The following DNAH7 variants were observed in gnomAD, a reference collection of about 807,000 sequenced individuals.
DNAH7 encodes dynein axonemal heavy chain 7, also known as axonemal beta dynein heavy chain 7.
A neutral mutation model predicts 444.6 loss-of-function variants in DNAH7; 397 were observed. That is an observed-to-expected ratio of 0.89 (90% CI 0.82 to 0.97). The LOEUF is 0.97. DNAH7 is among the 50% of genes least tolerant of loss of function. The probability of loss-of-function intolerance (pLI) is 0.00; values close to 1 mark genes in which losing one functional copy is unlikely to be tolerated. For synonymous variants in DNAH7, 1,636 were observed against 1,624.4 expected (o/e 1.01, Z -0.17); for missense variants, 4,902 against 4,800.8 (o/e 1.02, Z -0.62).
In DNAH7 at chr2:195,936,711, G is replaced by A. The variant is rs1689077558; in HGVS notation, c.3160C>T (p.Leu1054Phe). 4 of 1,597,068 alleles carry A rather than the reference G, an allele frequency of 2.5e-6. No individual in the cohort carries two copies. Among genetic ancestry groups the A allele is most frequent in the Non-Finnish European group, 3.4e-6 (4 of 1,171,608 alleles). ...TCCAAATATTCATTAAGTCCTTTAA[G>A]AATGAGCTCCAAAAGTTCATTAGAT... The part of the protein sequence containing the change: ...KKSNELLELI[L>F]KGLNEYLEKK... The change falls in exon 20 of 65, where the codon CTT becomes TTT. Residue 1054 changes from leucine (L) to phenylalanine (F), a missense_variant. By Grantham distance (22) the Leu-to-Phe change is conservative. Coordinates refer to ENST00000312428, the MANE Select transcript of DNAH7 (RefSeq NM_018897.3).
chr2:195,861,786 T>C lies in DNAH7; in HGVS notation c.7667A>G (p.Asn2556Ser). 2 of 1,613,708 alleles carry C rather than the reference T, an allele frequency of 1.2e-6. No homozygotes were observed. The highest frequency in any genetic ancestry group is 1.7e-6 in the Non-Finnish European group (2 of 1,179,690). Residue 2556 changes from asparagine (N) to serine (S), a missense_variant, in exon 42 of 65, where the codon AAT becomes AGT. By Grantham distance (46) the Asn-to-Ser change is conservative. Coordinates refer to ENST00000312428, the MANE Select transcript of DNAH7 (RefSeq NM_018897.3). ...GAGGTAAGAGGTAGGAGTCACATAA[T>C]TGTATCTTTGAAGTTCAACAAAGAA... ...KSFFVELQRY[N>S]YVTPTSYLEL...
At chr2:196,064,497 A>T (rs888304794) in intron 1 of DNAH7, among the ~76,000 whole-genome samples, 2 of 152,240 alleles carry the variant, frequency 1.3e-5, no homozygotes, top group African/African-American at 4.8e-5. Flanking sequence ...TCTCTTTAAA[A>T]TTAGGAAATA....
At chr2:195,786,671 CTGTT>C (rs1405067145) in intron 58 of DNAH7, among the ~76,000 whole-genome samples, 4 of 151,822 alleles carry the variant, frequency 2.6e-5, no homozygotes, top group Non-Finnish European at 4.4e-5. Flanking sequence ...GACAACTGGT[CTGTT>C]TGTTTTTTAC....
At chr2:195,745,173 G>A (rs1296918035) in intron 63 of DNAH7, among the ~76,000 whole-genome samples, 4 of 152,200 alleles carry the variant, frequency 2.6e-5, no homozygotes, top group Non-Finnish European at 5.9e-5. Context: ...AGCTGATGGA[G>A]CTGAAAGCCA....
Position 195,875,676 on chromosome 2 carries a change from T to G in DNAH7, c.6285A>C (p.Pro2095=), listed in dbSNP as rs529357254. ...TAATCACAAACTCAAAAAATGTACC[T>G]GGAGGTCCCATAGCACACATGATCT... The part of the protein sequence containing the change: ...DIQIMCAMGP[P]GGGRNPVTPR... Residue 2095 remains proline (P), a splice_region_variant and synonymous_variant, in exon 38 of 65, where the codon CCA becomes CCC. Coordinates refer to ENST00000312428, the MANE Select transcript of DNAH7 (RefSeq NM_018897.3). 6.4e-7 allele frequency: 1 copy of G among 1,561,950 alleles called. No individual in the cohort carries two copies. The highest frequency in any genetic ancestry group is 8.7e-7 in the Non-Finnish European group (1 of 1,155,118).
intron 61 of DNAH7, among the ~76,000 whole-genome samples, chr2:195,766,302 T>C (rs1694585947): frequency 6.7e-6 from 1 of 150,110 alleles, no homozygotes; most frequent in African/African-American, 2.5e-5. Context: ...GCCTTCCAAA[T>C]AGCTGGGATT....
chr2:195,938,309 T>G (rs1274637717), intron 19 of DNAH7, among the ~76,000 whole-genome samples: 1 of 151,758 alleles, frequency 6.6e-6, no homozygotes, highest in African/African-American at 2.4e-5. Flanking sequence ...AAAGGAATTT[T>G]ATTATGCTTC....
intron 14 of DNAH7, among the ~76,000 whole-genome samples, chr2:195,985,274 G>T (rs967343722): frequency 6.6e-6 from 1 of 152,208 alleles, no homozygotes; most frequent in Non-Finnish European, 1.5e-5. Context: ...TCTTCAGTAA[G>T]ATTGGCTGAA....
chr2:196,057,864 T>G (rs1474166143), intron 2 of DNAH7, among the ~76,000 whole-genome samples, 190 bp downstream of exon 2: 2 of 152,206 alleles, frequency 1.3e-5, no homozygotes, highest in Non-Finnish European at 2.9e-5. Context: ...AATTACAGCC[T>G]ATAGTTATTT....
intron 47 of DNAH7, among the ~76,000 whole-genome samples, chr2:195,841,199 A>G (rs1698661975): frequency 6.6e-6 from 1 of 151,258 alleles, no homozygotes; most frequent in South Asian, 2.1e-4. Context: ...TTATGCTGGA[A>G]CAATTGTATA....
At position 195,824,271 on chromosome 2, in the gene DNAH7, G is replaced by A; in HGVS notation, c.9275C>T (p.Pro3092Leu). The change falls in exon 49 of 65, where the codon CCT becomes CTT. Residue 3092 changes from proline to leucine, a missense_variant. Transcript: ENST00000312428. Reference protein sequence around the residue: ...TTKLRNPHYLPETSVKVTLLN... With the variant: ...TTKLRNPHYLLETSVKVTLLN... ...TATACTGGCCTTTACTGATGTTTCA[G>A]GAAGATAATGAGGATTTCTTAACTT... 1 of 1,612,340 alleles carries A rather than the reference G, an allele frequency of 6.2e-7. No homozygotes were observed. Among genetic ancestry groups the A allele is most frequent in the Non-Finnish European group, 8.5e-7 (1 of 1,179,176 alleles).
rs745971873 is a variant in DNAH7 at position 196,024,421 on chromosome 2, T to C, written c.743+8A>G. The C allele has an allele frequency of 2.6e-6, 4 of 1,555,824 alleles. No homozygotes were observed. The highest frequency in any genetic ancestry group is 2.5e-5 in the South Asian group (2 of 80,192). On this transcript the variant is annotated splice_region_variant and intron_variant, in intron 8 of 64. Coordinates refer to ENST00000312428, the MANE Select transcript of DNAH7 (RefSeq NM_018897.3). ...AATCAACATTCTTAGAGAAATCTGATCACTTACTCAGCACGATGGGCTGGA... is the reference window on the plus strand; with the variant it reads ...AATCAACATTCTTAGAGAAATCTGACCACTTACTCAGCACGATGGGCTGGA...
At chr2:196,034,308 T>C (rs1322468980) in intron 5 of DNAH7, among the ~76,000 whole-genome samples, 3 of 152,120 alleles carry the variant, frequency 2.0e-5, no homozygotes, top group Admixed American at 2.0e-4. Flanking sequence ...ATAAAATTAA[T>C]GGGATTACAT....
At chr2:195,756,345 C>A in intron 61 of DNAH7, 60 bp from the exon 62 acceptor site, 1 of 1,382,262 alleles carries the variant, frequency 7.2e-7, no homozygotes, top group South Asian at 1.8e-5. Flanking sequence ...TTATAAGCAA[C>A]CACCTTTTAA....
intron 8 of DNAH7, among the ~76,000 whole-genome samples, chr2:196,023,450 C>G (rs535325902): frequency 6.6e-6 from 1 of 152,298 alleles, no homozygotes; most frequent in Admixed American, 6.5e-5. Context: ...ATTTTTCAAC[C>G]CTTGCTCCGT....
chr2:195,859,066 AAAG>A (rs1383753990), intron 42 of DNAH7, among the ~76,000 whole-genome samples: 12 of 152,342 alleles, frequency 7.9e-5, no homozygotes, highest in African/African-American at 2.9e-4. Context: ...CAGAAATTCA[AAAG>A]AATAAATACA....
chr2:195,761,401 A>T (rs1694344201), intron 61 of DNAH7, among the ~76,000 whole-genome samples: 1 of 152,170 alleles, frequency 6.6e-6, no homozygotes, highest in Non-Finnish European at 1.5e-5. Context: ...AGAGAGAGAT[A>T]TATATGGGAA....
Position 196,026,932 on chromosome 2 carries a change from G to A in DNAH7, c.495C>T (p.Tyr165=), listed in dbSNP as rs760346814. Residue 165 remains tyrosine (Y), a synonymous_variant, in exon 7 of 65, where the codon TAC becomes TAT. Coordinates refer to ENST00000312428, the MANE Select transcript of DNAH7 (RefSeq NM_018897.3). ...TATCAATTCCATGGTGAATATAATA[G>A]TAATATCTCTACAAAAAGAAGATAG... ...SAIEKDILRY[Y]YYIHHGIDTD... 21 of 1,587,504 alleles carry A rather than the reference G, an allele frequency of 1.3e-5. No homozygotes were observed. The highest frequency in any genetic ancestry group is 1.8e-5 in the Admixed American group (1 of 56,470).
intron 17 of DNAH7, among the ~76,000 whole-genome samples, chr2:195,968,882 C>T (rs1393009052): frequency 6.6e-6 from 1 of 152,224 alleles, no homozygotes; most frequent in Non-Finnish European, 1.5e-5. Context: ...GAGGTCAGAA[C>T]AGTTTTGCTT....
Sources: gnomAD v4.1 joint callset for allele counts (sites outside exome capture counted in the v4.1 genomes callset) on GRCh38, gnomAD v4.1.1 for gene constraint, MANE v1.5 for transcripts, NCBI Gene and HGNC (gene_info 2026-07-23, HGNC 2026-07-21) for gene names.